Variants in SIPA1L2 observed in about 807,000 individuals in gnomAD.
SIPA1L2 encodes the protein signal-induced proliferation-associated 1-like protein 2.
SIPA1L2 carries 56 observed loss-of-function variants against 163.9 expected under a neutral mutation model. The observed-to-expected ratio is 0.34, with a 90% CI of 0.28 to 0.43. The LOEUF (loss-of-function observed/expected upper bound fraction) is 0.43. SIPA1L2 is among the 20% of genes least tolerant of loss of function. SIPA1L2 has a pLI of 1.00. For synonymous variants in SIPA1L2, 877 were observed against 865.7 expected (o/e 1.01, Z -0.23); for missense variants, 1,974 against 2,193.5 (o/e 0.90, Z 2.00).
chr1:232,432,841 C>A (rs12030201), intron 15 of SIPA1L2, among the ~76,000 whole-genome samples: 38,434 of 152,088 alleles, frequency 0.25, 5,171 homozygotes, highest in East Asian at 0.48. Flanking sequence ...AATGCCAATG[C>A]AAACCACAAT....
At chr1:232,502,119 T>C (rs569362560) in intron 3 of SIPA1L2, among the ~76,000 whole-genome samples, 3 of 152,252 alleles carry the variant, frequency 2.0e-5, no homozygotes, top group Admixed American at 2.0e-4. Flanking sequence ...TTGCCTAATC[T>C]GGGCTTTGAT....
chr1:232,617,771 T>C (rs1662579073), intron 1 of SIPA1L2, among the ~76,000 whole-genome samples: 1 of 152,182 alleles, frequency 6.6e-6, no homozygotes, highest in South Asian at 2.1e-4. Context: ...GTATGGGCCA[T>C]ATGGGTGTAT....
At chr1:232,576,964 C>T (rs907160054) in intron 1 of SIPA1L2, among the ~76,000 whole-genome samples, 8 of 152,116 alleles carry the variant, frequency 5.3e-5, no homozygotes, top group African/African-American at 1.9e-4. Flanking sequence ...TTGTGAGGTA[C>T]AAGGAGAGCT....
intron 12 of SIPA1L2, 89 bp from the exon 13 acceptor site, chr1:232,441,957 T>C (rs796525478): frequency 5.8e-5 from 65 of 1,113,002 alleles, no homozygotes; most frequent in South Asian, 1.4e-4. Context: ...AAGTAGGCTA[T>C]GCGAGGGAAA....
At chr1:232,542,814 C>A (rs770659440) in intron 2 of SIPA1L2, among the ~76,000 whole-genome samples, 27 of 152,230 alleles carry the variant, frequency 1.8e-4, no homozygotes, top group Non-Finnish European at 3.4e-4. Flanking sequence ...CAAGGCCCAG[C>A]TGAGCCCTGT....
intron 2 of SIPA1L2, among the ~76,000 whole-genome samples, chr1:232,522,783 T>C (rs538947301): frequency 6.6e-6 from 1 of 152,164 alleles, no homozygotes; most frequent in Admixed American, 6.5e-5. Flanking sequence ...TAGCTGAAAA[T>C]GTAATATATG....
chr1:232,453,433 A>G (rs1409851473), intron 10 of SIPA1L2, among the ~76,000 whole-genome samples: 1 of 152,190 alleles, frequency 6.6e-6, no homozygotes, highest in Non-Finnish European at 1.5e-5. Flanking sequence ...GAAATTCCCT[A>G]TTGGTTTTAC....
At chr1:232,399,730 C>T (rs574322893) in intron 22 of SIPA1L2, among the ~76,000 whole-genome samples, 1 of 152,228 alleles carries the variant, frequency 6.6e-6, no homozygotes, top group East Asian at 1.9e-4. Flanking sequence ...ACTATATTTC[C>T]ATAATGACCC....
At chr1:232,597,709 A>G (rs1377824679) in intron 1 of SIPA1L2, among the ~76,000 whole-genome samples, 1 of 149,464 alleles carries the variant, frequency 6.7e-6, no homozygotes, top group Non-Finnish European at 1.5e-5. Flanking sequence ...AAAAAAAAAA[A>G]AAAAAAGTAA....
rs77827117 is a variant in SIPA1L2, at chr1:232,468,218, C to T, written c.2244-2802G>A. Among the ~76,000 whole-genome samples, 5,264 of 152,286 alleles carry T rather than the reference C, an allele frequency of 0.035. 943 individuals carry two copies. The East Asian group carries it at 0.56, about 16-fold the overall frequency. On this transcript the variant is annotated intron_variant, in intron 8 of 22. Coordinates refer to ENST00000674635, the MANE Select transcript of SIPA1L2 (RefSeq NM_020808.5). The stretch of plus-strand genomic sequence containing the variant: ...CCCATTGTGTGGAAACGAGAACTTA[C>T]ATCAGAGCTCCTTATTTCACCCAAA...
At position 232,514,432 on chromosome 1, in the gene SIPA1L2, T is replaced by C; in HGVS notation, c.908A>G (p.Glu303Gly). 1 of 1,614,254 alleles carries C rather than the reference T, an allele frequency of 6.2e-7. No individual in the cohort carries two copies. The highest frequency in any genetic ancestry group is 8.5e-7 in the Non-Finnish European group (1 of 1,180,046). The change falls in exon 3 of 23, where the codon GAA becomes GGA. Residue 303 changes from glutamate (E) to glycine (G), a missense_variant. Physicochemically the swap from Glu to Gly is moderately conservative, Grantham distance 98 (BLOSUM62 -2). This residue lies in a region of SIPA1L2 where 607 missense variants were observed against 624.0 expected (regional missense o/e 0.97). Coordinates refer to ENST00000674635, the MANE Select transcript of SIPA1L2 (RefSeq NM_020808.5). The part of the protein sequence containing the change: ...RKLRTVKSEH[E>G]TFKFTSELEE... ...CAGCTCAGACGTGAACTTGAAAGTT[T>C]CGTGCTCACTTTTAACAGTTCGAAG...
At chr1:232,463,933 A>G (rs1664374811) in intron 9 of SIPA1L2, among the ~76,000 whole-genome samples, 1 of 152,142 alleles carries the variant, frequency 6.6e-6, no homozygotes, top group African/African-American at 2.4e-5. Context: ...TCTCTTATAC[A>G]TGGTCTCTAA....
intron 2 of SIPA1L2, among the ~76,000 whole-genome samples, chr1:232,542,172 G>A (rs1222823044): frequency 3.3e-5 from 5 of 152,118 alleles, no homozygotes; most frequent in Non-Finnish European, 7.4e-5. Flanking sequence ...AAGTCGCTTC[G>A]CGATATATAC....
chr1:232,461,588 G>A (rs1159664028), intron 9 of SIPA1L2, among the ~76,000 whole-genome samples: 1 of 152,000 alleles, frequency 6.6e-6, no homozygotes, highest in Non-Finnish European at 1.5e-5. Flanking sequence ...TTTTGCAATG[G>A]AAAACCTGTA....
At chr1:232,456,166 T>G (rs1169358362) in intron 10 of SIPA1L2, among the ~76,000 whole-genome samples, 2 of 152,126 alleles carry the variant, frequency 1.3e-5, no homozygotes, top group Non-Finnish European at 2.9e-5. Flanking sequence ...TGGAAAAAAT[T>G]TTTAAAAAAA....
chr1:232,468,575 G>T (rs567235779), intron 8 of SIPA1L2, among the ~76,000 whole-genome samples: 1 of 152,092 alleles, frequency 6.6e-6, no homozygotes, highest in Non-Finnish European at 1.5e-5. Context: ...TGCATGTAAA[G>T]CTTTTATTAC....
intron 1 of SIPA1L2, among the ~76,000 whole-genome samples, chr1:232,578,899 T>C (rs1160286608): frequency 6.6e-6 from 1 of 152,202 alleles, no homozygotes; most frequent in African/African-American, 2.4e-5. Flanking sequence ...CAACTGGCTA[T>C]TGTATTTTAC....
At chr1:232,540,933 A>G (rs1657619734) in intron 2 of SIPA1L2, among the ~76,000 whole-genome samples, 2 of 152,226 alleles carry the variant, frequency 1.3e-5, no homozygotes, top group Non-Finnish European at 2.9e-5. Context: ...GAAGAAGATC[A>G]TGTCTTTTGC....
chr1:232,587,863 T>C (rs1326075028), intron 1 of SIPA1L2, among the ~76,000 whole-genome samples: 2 of 152,182 alleles, frequency 1.3e-5, no homozygotes, highest in African/African-American at 4.8e-5. Flanking sequence ...CTGATGGTTT[T>C]AGAAGGGGAA....
Sources: allele counts gnomAD v4.1 joint callset (sites outside exome capture counted in the v4.1 genomes callset), GRCh38; gene constraint gnomAD v4.1.1; regional missense constraint gnomAD v4.1.1; transcripts MANE v1.5; gene names NCBI Gene and HGNC (gene_info 2026-07-23, HGNC 2026-07-21).